RPS6KA2: variants seen among roughly 807,000 people sequenced by gnomAD.
The protein encoded by RPS6KA2 is ribosomal protein S6 kinase alpha-2.
A neutral mutation model predicts 91.8 loss-of-function variants in RPS6KA2; 42 were observed. The ratio of observed to expected loss-of-function variants is 0.46; its 90% CI spans 0.36 to 0.59. The LOEUF is 0.59. Among genes scored for constraint, RPS6KA2 ranks in the 20% least tolerant of loss-of-function variants. RPS6KA2 has a pLI of 0.00. For missense variants in RPS6KA2, 798 were observed against 978.5 expected (o/e 0.82, Z 2.46); for synonymous variants, 414 against 393.6 (o/e 1.05, Z -0.61).
intron 8 of RPS6KA2, 128 bp downstream of exon 8, chr6:166,498,380 T>A (rs759123995): frequency 9.2e-7 from 1 of 1,088,634 alleles, no homozygotes; most frequent in Non-Finnish European, 1.3e-6. Context: ...GCCTGGACAC[T>A]TGCCCAGTGT....
chr6:166,783,054 T>G (rs1269312958), intron 2 of RPS6KA2, among the ~76,000 whole-genome samples: 857 of 3,798 alleles, frequency 0.23, 11 homozygotes, highest in African/African-American at 0.3. Flanking sequence ...TTAGGTATTA[T>G]TATTATTATT....
chr6:166,759,438 A>G (rs1778108798), intron 2 of RPS6KA2, among the ~76,000 whole-genome samples: 1 of 152,234 alleles, frequency 6.6e-6, no homozygotes, highest in East Asian at 1.9e-4. Context: ...CTGTCTTCCA[A>G]AATTTCTCAA....
At chr6:166,701,909 T>G in intron 2 of RPS6KA2, 5 of 1,110,382 alleles carry the variant, frequency 4.5e-6, no homozygotes, top group Non-Finnish European at 6.9e-6. Context: ...GATTTTAGTG[T>G]CTGTGTCTTG....
chr6:166,681,221 T>C (rs1433613091), intron 2 of RPS6KA2, among the ~76,000 whole-genome samples: 2 of 152,204 alleles, frequency 1.3e-5, no homozygotes, highest in East Asian at 3.8e-4. Context: ...ACACTGTATC[T>C]TAGAAATTTT....
At chr6:166,652,529 T>G (rs1787883942) in intron 2 of RPS6KA2, among the ~76,000 whole-genome samples, 1 of 152,208 alleles carries the variant, frequency 6.6e-6, no homozygotes, top group Non-Finnish European at 1.5e-5. Flanking sequence ...TGGACACGTT[T>G]CTTGACTTAA....
At chr6:166,499,700 T>C (rs1446989772) in intron 7 of RPS6KA2, among the ~76,000 whole-genome samples, 1 of 152,226 alleles carries the variant, frequency 6.6e-6, no homozygotes, top group Non-Finnish European at 1.5e-5. Flanking sequence ...GGTGAGTCCA[T>C]TAAACCTCTT....
rs760643130 is a variant in RPS6KA2, at chr6:166,412,828, C to T, written c.2136G>A (p.Glu712=). The T allele has an allele frequency of 6.3e-7, 1 of 1,580,804 alleles. No homozygotes were observed. Among genetic ancestry groups the T allele is most frequent in the South Asian group, 1.2e-5 (1 of 86,168 alleles). ...LNRTPQAPRL[E]PVLSSNLAQR... ...GAGCCAGGTTGGATGACAGCACGGGCTCCAGCCGCGGGGCCTGAGGTGTTC... is the reference window on the plus strand; with the variant it reads ...GAGCCAGGTTGGATGACAGCACGGGTTCCAGCCGCGGGGCCTGAGGTGTTC... Residue 712 remains glutamate, a synonymous_variant, in exon 21 of 21, where the codon GAG becomes GAA. Coordinates refer to ENST00000265678, the MANE Select transcript of RPS6KA2 (RefSeq NM_021135.6). This position sits in a 1 kb window ranked among gnomAD's most constrained non-coding sequence, Gnocchi z 4.3.
chr6:166,735,215 C>G (rs912828675), intron 2 of RPS6KA2, among the ~76,000 whole-genome samples: 1 of 152,158 alleles, frequency 6.6e-6, no homozygotes, highest in Non-Finnish European at 1.5e-5. Context: ...ACTTCTGCAC[C>G]CATCAACAAG....
chr6:166,501,990 C>A (rs2128478708), intron 6 of RPS6KA2, among the ~76,000 whole-genome samples: 1 of 152,304 alleles, frequency 6.6e-6, no homozygotes, highest in Non-Finnish European at 1.5e-5. Context: ...TATGATTTTA[C>A]AAATATAAAA....
intron 1 of RPS6KA2, among the ~76,000 whole-genome samples, chr6:166,539,271 T>C (rs16899105): frequency 0.041 from 6,230 of 152,286 alleles, 404 homozygotes; most frequent in African/African-American, 0.14. Flanking sequence ...GTGTGCACCC[T>C]GTGGGCCTTC....
At chr6:166,807,314 C>A (rs1010871978) in intron 2 of RPS6KA2, among the ~76,000 whole-genome samples, 1 of 152,186 alleles carries the variant, frequency 6.6e-6, no homozygotes, top group Admixed American at 6.5e-5. Context: ...GAATCCTCTT[C>A]TTACCTAGCC....
chr6:166,688,152 C>G (rs577541644), intron 2 of RPS6KA2, among the ~76,000 whole-genome samples: 2 of 152,200 alleles, frequency 1.3e-5, no homozygotes, highest in Admixed American at 6.5e-5. Flanking sequence ...CTCTGGAAGG[C>G]GAAGGAGCTG....
chr6:166,535,574 C>G (rs531563057), intron 2 of RPS6KA2, among the ~76,000 whole-genome samples: 1 of 152,302 alleles, frequency 6.6e-6, no homozygotes. Context: ...GGCACTTATG[C>G]GAATAGGGGA....
upstream of RPS6KA2, among the ~76,000 whole-genome samples, chr6:166,631,643 C>T (rs1029552900): frequency 2.0e-5 from 3 of 152,032 alleles, no homozygotes; most frequent in East Asian, 1.9e-4. Context: ...GATTTTTTTT[C>T]GTCCCTCTGC....
At chr6:166,802,493 G>A (rs1779391422) in intron 2 of RPS6KA2, among the ~76,000 whole-genome samples, 1 of 152,168 alleles carries the variant, frequency 6.6e-6, no homozygotes, top group Admixed American at 6.5e-5. Flanking sequence ...CAGACAAAAA[G>A]AGATAGAAGC....
At chr6:166,527,036 T>C (rs934485100) in intron 3 of RPS6KA2, among the ~76,000 whole-genome samples, 9 of 152,236 alleles carry the variant, frequency 5.9e-5, no homozygotes, top group Admixed American at 3.9e-4. Flanking sequence ...TAAACAGCCG[T>C]GGATACTTGC....
intron 10 of RPS6KA2, among the ~76,000 whole-genome samples, chr6:166,473,204 T>C (rs1780837475): frequency 6.6e-6 from 1 of 152,106 alleles, no homozygotes; most frequent in African/African-American, 2.4e-5. Context: ...GATTTTTTTT[T>C]TTATTTTGGG....
intron 3 of RPS6KA2, among the ~76,000 whole-genome samples, chr6:166,512,622 G>A (rs1248451611): frequency 6.6e-6 from 1 of 152,182 alleles, no homozygotes; most frequent in Non-Finnish European, 1.5e-5. Context: ...CGTTTGGTCT[G>A]TAATACTGTC....
At chr6:166,785,044 G>C (rs975956148) in intron 2 of RPS6KA2, among the ~76,000 whole-genome samples, 1 of 152,212 alleles carries the variant, frequency 6.6e-6, no homozygotes, top group Non-Finnish European at 1.5e-5. Flanking sequence ...GTCACTCTCT[G>C]TATACACGTG....
Sources: allele counts gnomAD v4.1 joint callset (sites outside exome capture counted in the v4.1 genomes callset), GRCh38; gene constraint gnomAD v4.1.1; non-coding constraint Gnocchi (gnomAD v3.1); transcripts MANE v1.5; gene names NCBI Gene and HGNC (gene_info 2026-07-23, HGNC 2026-07-21).